Variants in NXPE2 observed in about 807,000 individuals in gnomAD.
The protein encoded by NXPE2 is neurexophilin and PC-esterase domain family member 2, also known as NXPE family member 2.
In NXPE2, 34 loss-of-function variants were observed where a neutral mutation model predicts 34.4. The ratio of observed to expected loss-of-function variants is 0.99; its 90% CI spans 0.75 to 1.31. The LOEUF is 1.31. Among genes scored for constraint, NXPE2 ranks in the 40% most tolerant of loss-of-function variants. The pLI is 0.00. For missense variants in NXPE2, 649 were observed against 672.5 expected (o/e 0.97, Z 0.39); for synonymous variants, 235 against 231.3 (o/e 1.02, Z -0.15).
At chr11:114,496,456 AAAC>A in the NXPE2 span, among the ~76,000 whole-genome samples, 15 of 152,204 alleles carry the variant, frequency 9.9e-5, no homozygotes, top group African/African-American at 3.6e-4. Context: ...TATGATGTTA[AAAC>A]CAGGTACTGT....
intron 2 of NXPE2, among the ~76,000 whole-genome samples, chr11:114,696,958 G>A (rs979287730): frequency 6.6e-6 from 1 of 152,082 alleles, no homozygotes; most frequent in Non-Finnish European, 1.5e-5. Context: ...ATTAGGCACA[G>A]TAAGACATTG....
the NXPE2 span, among the ~76,000 whole-genome samples, chr11:114,590,423 T>C: frequency 7.9e-5 from 12 of 152,296 alleles, no homozygotes; most frequent in South Asian, 2.5e-3. Context: ...GACAAGATTT[T>C]GGGGCATTAC....
chr11:114,655,975 A>C, the NXPE2 span, among the ~76,000 whole-genome samples: 1 of 152,210 alleles, frequency 6.6e-6, no homozygotes, highest in African/African-American at 2.4e-5. Flanking sequence ...ATAGGAAGAG[A>C]GGAAGTCAAA....
the NXPE2 span, among the ~76,000 whole-genome samples, chr11:114,575,056 G>T: frequency 2.6e-5 from 4 of 152,188 alleles, no homozygotes; most frequent in Admixed American, 1.3e-4. Context: ...GTCAATAAAT[G>T]TGATACACCA....
At chr11:114,490,889 G>A in the NXPE2 span, among the ~76,000 whole-genome samples, 6 of 152,208 alleles carry the variant, frequency 3.9e-5, no homozygotes, top group South Asian at 2.1e-4. Context: ...GCGGCCGGGC[G>A]CGGTGGCTCA....
At chr11:114,589,858 C>T in the NXPE2 span, among the ~76,000 whole-genome samples, 2 of 152,294 alleles carry the variant, frequency 1.3e-5, no homozygotes, top group Admixed American at 1.3e-4. Context: ...AGCACAAAAA[C>T]CCAATGCAGA....
chr11:114,570,696 G>A, the NXPE2 span: 1 of 322,468 alleles, frequency 3.1e-6, no homozygotes, highest in Non-Finnish European at 5.6e-6. Context: ...TGGTGAAGAG[G>A]GGTATGGCTC....
chr11:114,565,242 C>G, the NXPE2 span, among the ~76,000 whole-genome samples: 11 of 152,180 alleles, frequency 7.2e-5, no homozygotes, highest in Non-Finnish European at 1.5e-4. Flanking sequence ...TTTGGGGCCT[C>G]TCTGTCATAT....
At position 114,705,992 on chromosome 11, in the gene NXPE2, G is replaced by A. The variant is rs930954765; in HGVS notation, c.1140G>A (p.Val380=). Residue 380 remains valine (V), a synonymous_variant, in exon 5 of 6, where the codon GTG becomes GTA. Coordinates refer to ENST00000389586, the MANE Select transcript of NXPE2 (RefSeq NM_182495.6). ...GGATTTACTACTTACAAAAAGCTGT[G>A]AAAAGTATGTATTTAATTTATATTT... is the stretch of plus-strand genomic sequence containing the variant. ...HQWIYYLQKA[V]KTLKYFDHHG... 3.0e-6 allele frequency: 4 copies of A among 1,335,468 alleles called. No homozygotes were observed. The highest frequency in any genetic ancestry group is 6.7e-5 in the Admixed American group (2 of 29,946). The allele number at this position is 1,335,468 out of a possible 1,614,324, so 82.7% of individuals were successfully genotyped here. A position where few individuals can be genotyped will look rare whatever the true frequency, so the allele number is the denominator to read the frequency against.
the NXPE2 span, among the ~76,000 whole-genome samples, chr11:114,557,586 G>A: frequency 0.017 from 2,516 of 145,302 alleles, 52 homozygotes; most frequent in African/African-American, 0.056. Flanking sequence ...CCACTGACTG[G>A]TTTAATTCTA....
At chr11:114,633,922 T>A in the NXPE2 span, among the ~76,000 whole-genome samples, 11 of 152,160 alleles carry the variant, frequency 7.2e-5, no homozygotes, top group Non-Finnish European at 1.6e-4. Flanking sequence ...ACAATAAACA[T>A]ATGTGTGCAT....
the NXPE2 span, among the ~76,000 whole-genome samples, chr11:114,770,335 C>A: frequency 6.6e-6 from 1 of 152,218 alleles, no homozygotes; most frequent in African/African-American, 2.4e-5. Context: ...CTACCTCTTG[C>A]TGCACTGTCT....
At chr11:114,505,133 C>A in the NXPE2 span, among the ~76,000 whole-genome samples, 1 of 151,842 alleles carries the variant, frequency 6.6e-6, no homozygotes, top group Non-Finnish European at 1.5e-5. Context: ...ACACTCAGAG[C>A]TTGAAGACTG....
chr11:114,530,751 G>A, the NXPE2 span: 2 of 1,614,194 alleles, frequency 1.2e-6, no homozygotes, highest in Non-Finnish European at 1.7e-6. Context: ...GAAAGGTCTG[G>A]GTGGGATCTG....
the NXPE2 span, among the ~76,000 whole-genome samples, chr11:114,605,804 T>C: frequency 6.6e-6 from 1 of 151,634 alleles, no homozygotes; most frequent in Admixed American, 6.6e-5. Context: ...GCCTCTAGGG[T>C]TACCACTGTT....
chr11:114,673,428 G>C, the NXPE2 span, among the ~76,000 whole-genome samples: 2 of 151,456 alleles, frequency 1.3e-5, no homozygotes, highest in African/African-American at 4.8e-5. Flanking sequence ...ACTGGAAAAT[G>C]TAGAGCAAAC....
chr11:114,580,294 A>G, the NXPE2 span: 4 of 1,613,938 alleles, frequency 2.5e-6, no homozygotes, highest in African/African-American at 4.0e-5. Context: ...GGGATTGTGG[A>G]TGTCATTCCA....
the NXPE2 span, among the ~76,000 whole-genome samples, chr11:114,619,248 C>T: frequency 2.6e-5 from 4 of 152,102 alleles, no homozygotes; most frequent in South Asian, 4.1e-4. Flanking sequence ...ATAAGTAATG[C>T]CTCTTGAGTA....
chr11:114,748,964 G>C, the NXPE2 span, among the ~76,000 whole-genome samples: 21 of 152,232 alleles, frequency 1.4e-4, no homozygotes, highest in African/African-American at 5.1e-4. Flanking sequence ...GATCTGACCA[G>C]TGAGTGCCTC....
Sources: gnomAD v4.1 joint callset for allele counts (sites outside exome capture counted in the v4.1 genomes callset) on GRCh38, gnomAD v4.1.1 for gene constraint, MANE v1.5 for transcripts, NCBI Gene and HGNC (gene_info 2026-07-23, HGNC 2026-07-21) for gene names.